CFAP43: variants seen among roughly 807,000 people sequenced by gnomAD.
The protein encoded by CFAP43 is cilia- and flagella-associated protein 43.
In CFAP43, 155 loss-of-function variants were observed where a neutral mutation model predicts 218.9. The observed-to-expected ratio is 0.71, with a 90% CI of 0.62 to 0.81. The LOEUF is 0.81. CFAP43 is among the 30% of genes least tolerant of loss of function. The probability of loss-of-function intolerance (pLI) is 0.00; values close to 1 mark genes in which losing one functional copy is unlikely to be tolerated. For missense variants in CFAP43, 1,778 were observed against 1,954.3 expected (o/e 0.91, Z 1.70); for synonymous variants, 645 against 681.3 (o/e 0.95, Z 0.83).
rs2089769040 is a variant in CFAP43 at position 104,179,918 on chromosome 10, G to A, written c.2304C>T (p.Ser768=). The change falls in exon 18 of 38, where the codon AGC becomes AGT. Residue 768 remains serine (S), a synonymous_variant. Transcript: ENST00000357060. ...SDSEHTKQKA[S]TDLSQDELVL... The stretch of plus-strand genomic sequence containing the variant: ...CTAATTCATCTTGTGATAAGTCAGT[G>A]CTTGCCTTCTGTTTCTGATACATGG... 7 of 1,613,236 alleles carry A rather than the reference G, an allele frequency of 4.3e-6. 1 individual carries two copies. The East Asian group carries it at 1.6e-4, about 36-fold the overall frequency.
At chr10:104,179,004 T>C in intron 19 of CFAP43, 25 bp downstream of exon 19, 2 of 1,576,894 alleles carry the variant, frequency 1.3e-6, no homozygotes, top group Non-Finnish European at 1.7e-6. Flanking sequence ...CCAAAGGTAT[T>C]AGAATATGAA....
At chr10:104,195,826 G>C (rs943450415) in intron 10 of CFAP43, among the ~76,000 whole-genome samples, 3 of 152,198 alleles carry the variant, frequency 2.0e-5, no homozygotes, top group Non-Finnish European at 4.4e-5. Context: ...TTGCAACTCA[G>C]CATCCATACG....
chr10:104,178,798 A>C (rs1390802036), intron 19 of CFAP43, among the ~76,000 whole-genome samples: 1 of 152,202 alleles, frequency 6.6e-6, no homozygotes, highest in Admixed American at 6.5e-5. Flanking sequence ...TTTGATAAAA[A>C]TCAGTATTAT....
At chr10:104,189,473 T>A (rs2090136961) in intron 12 of CFAP43, among the ~76,000 whole-genome samples, 1 of 152,206 alleles carries the variant, frequency 6.6e-6, no homozygotes, top group African/African-American at 2.4e-5. Context: ...CTGGCAAATA[T>A]ATGAGAGCCT....
intron 6 of CFAP43, among the ~76,000 whole-genome samples, chr10:104,206,914 C>G (rs1482478172): frequency 6.6e-6 from 1 of 152,198 alleles, no homozygotes; most frequent in African/African-American, 2.4e-5. Flanking sequence ...TGGCTCCTGC[C>G]TGTAATCCCA....
At chr10:104,182,113 A>AT (rs201274968) in intron 17 of CFAP43, among the ~76,000 whole-genome samples, 9 of 151,928 alleles carry the variant, frequency 5.9e-5, no homozygotes, top group South Asian at 2.1e-4. Context: ...TGGGTAGAAG[A>AT]TTTTTTTTTC....
intron 34 of CFAP43, among the ~76,000 whole-genome samples, chr10:104,136,258 C>A (rs374645758): frequency 1.7e-3 from 147 of 85,990 alleles, no homozygotes; most frequent in Middle Eastern, 8.9e-3. Context: ...TTCTCCATTT[C>A]AAAAAAAAAA....
rs879267265 is a variant in CFAP43 at position 104,207,767 on chromosome 10, T to C, written c.793A>G (p.Ser265Gly). ...TCTTCACAGCCAATGTACAAGTCACTTGTTGGAGTCCAGCAATGCATAGTC... is the reference window on the plus strand; with the variant it reads ...TCTTCACAGCCAATGTACAAGTCACCTGTTGGAGTCCAGCAATGCATAGTC... The part of the protein sequence containing the change: ...HPTMHCWTPT[S>G]DLYIGCEEGH... The change falls in exon 6 of 38, where the codon AGT (serine) becomes GGT (glycine). Residue 265 changes from serine to glycine, a missense_variant. By Grantham distance (56) the Ser-to-Gly change is moderately conservative (BLOSUM62 0). Transcript: ENST00000357060. The C allele has an allele frequency of 3.7e-6, 6 of 1,614,182 alleles. No homozygotes were observed. The highest frequency in any genetic ancestry group is 5.1e-6 in the Non-Finnish European group (6 of 1,180,012).
intron 20 of CFAP43, among the ~76,000 whole-genome samples, chr10:104,169,651 G>A (rs984062739): frequency 6.6e-6 from 1 of 151,846 alleles, no homozygotes; most frequent in South Asian, 2.1e-4. Flanking sequence ...TAGCAAACTA[G>A]ATAAGACTAA....
intron 5 of CFAP43, among the ~76,000 whole-genome samples, chr10:104,210,669 C>T (rs994009567): frequency 1.3e-5 from 2 of 152,164 alleles, no homozygotes. Context: ...CACCTCACTT[C>T]CACTTCATTT....
chr10:104,216,356 C>T (rs536864217), intron 3 of CFAP43, among the ~76,000 whole-genome samples: 24 of 152,326 alleles, frequency 1.6e-4, no homozygotes, highest in African/African-American at 5.8e-4. Context: ...TCTTATGGGA[C>T]ACCACAGATC....
At chr10:104,228,365 T>A (rs1016311057) in intron 2 of CFAP43, among the ~76,000 whole-genome samples, 1 of 152,176 alleles carries the variant, frequency 6.6e-6, no homozygotes, top group East Asian at 1.9e-4. Context: ...TTTTATATAC[T>A]TTAGATTCTG....
At chr10:104,150,898 C>A (rs77202660) in intron 28 of CFAP43, among the ~76,000 whole-genome samples, 37 of 152,234 alleles carry the variant, frequency 2.4e-4, no homozygotes, top group African/African-American at 8.7e-4. Context: ...CACCCACCAC[C>A]CTCAGGAAAC....
chr10:104,226,630 AGTCTT>A (rs1284731283), intron 2 of CFAP43, among the ~76,000 whole-genome samples: 1 of 152,130 alleles, frequency 6.6e-6, no homozygotes, highest in East Asian at 1.9e-4. Flanking sequence ...ATTTCTTTCT[AGTCTT>A]TTCTTCTGTG....
chr10:104,214,441 G>A lies in CFAP43; in HGVS notation c.417-15C>T, dbSNP rs11598992. On this transcript the variant is annotated splice_polypyrimidine_tract_variant and intron_variant, in intron 3 of 37. Coordinates refer to ENST00000357060, the MANE Select transcript of CFAP43 (RefSeq NM_025145.7). Reference sequence around the variant, plus strand: ...ATTCCCAGTTCCTTAGAGAAAAATAGCATTTGATGAAAAAAAGTTCATTTG... The same window carrying A: ...ATTCCCAGTTCCTTAGAGAAAAATAACATTTGATGAAAAAAAGTTCATTTG... 1.3e-6 allele frequency: 2 copies of A among 1,535,054 alleles called. No individual in the cohort carries two copies. Among genetic ancestry groups the A allele is most frequent in the South Asian group, 1.2e-5 (1 of 80,222 alleles).
chr10:104,155,683 C>G (rs978449546), intron 27 of CFAP43, among the ~76,000 whole-genome samples: 1 of 151,958 alleles, frequency 6.6e-6, no homozygotes, highest in African/African-American at 2.4e-5. Flanking sequence ...GATGAGGTGA[C>G]AATTGAGTAG....
At position 104,211,593 on chromosome 10, in the gene CFAP43, C is replaced by A. The variant is rs1357826546; in HGVS notation, c.735+414G>T. ...AGCTGGCTCTGGCTCTCTTTTCTTC[C>A]CTTGCACCCTTTCTCTCTTTGCTCA... On this transcript the variant is annotated intron_variant, in intron 5 of 37. Transcript: ENST00000357060. Among the ~76,000 whole-genome samples, 3 of 152,116 alleles carry A rather than the reference C, an allele frequency of 2.0e-5. No homozygotes were observed. In the East Asian group the frequency reaches 5.8e-4, roughly 29 times the overall value.
intron 12 of CFAP43, among the ~76,000 whole-genome samples, chr10:104,190,040 C>T (rs376404188): frequency 1.2e-4 from 18 of 147,990 alleles, no homozygotes; most frequent in East Asian, 8.4e-4. Flanking sequence ...CGGTGGCGGG[C>T]GCCTGTAGGC....
At chr10:104,136,705 A>G (rs1464136389) in intron 34 of CFAP43, among the ~76,000 whole-genome samples, 1 of 152,162 alleles carries the variant, frequency 6.6e-6, no homozygotes, top group Non-Finnish European at 1.5e-5. Flanking sequence ...GAGACAATCC[A>G]CAGAAGGGGA....
Sources: gnomAD v4.1 joint callset for allele counts (sites outside exome capture counted in the v4.1 genomes callset) on GRCh38, gnomAD v4.1.1 for gene constraint, MANE v1.5 for transcripts, NCBI Gene and HGNC (gene_info 2026-07-23, HGNC 2026-07-21) for gene names.